Variants in RORA observed in about 807,000 individuals in gnomAD.
RORA encodes RAR related orphan receptor A.
Under a neutral mutation model 69.5 loss-of-function variants are expected in RORA, and 7 were observed. That is an observed-to-expected ratio of 0.10 (90% CI 0.06 to 0.19). The LOEUF is 0.19. RORA is among the 10% of genes least tolerant of loss of function. The pLI is 1.00. For synonymous variants in RORA, 261 were observed against 240.8 expected, an observed-to-expected ratio of 1.08 and a Z score of -0.78; for missense variants, 457 against 663.0, an observed-to-expected ratio of 0.69 and a Z score of 3.41.
At chr15:60,619,539 T>C (rs1431467605) in intron 2 of RORA, among the ~76,000 whole-genome samples, 4 of 152,238 alleles carry the variant, frequency 2.6e-5, no homozygotes, top group Admixed American at 6.5e-5. Context: ...TATCATAACA[T>C]ATAAGTCAAC....
intron 1 of RORA, among the ~76,000 whole-genome samples, chr15:61,019,153 C>A (rs1294098277): frequency 1.3e-5 from 2 of 152,244 alleles, no homozygotes; most frequent in African/African-American, 4.8e-5. Flanking sequence ...ACTGGCTTCA[C>A]AGCACCACAG....
chr15:61,064,215 T>G (rs1018981996), intron 1 of RORA, among the ~76,000 whole-genome samples: 1 of 152,200 alleles, frequency 6.6e-6, no homozygotes, highest in Admixed American at 6.5e-5. Flanking sequence ...CAATCACATT[T>G]TGAAGGGAAA....
At chr15:60,554,925 G>C (rs1236410825) in intron 2 of RORA, among the ~76,000 whole-genome samples, 2 of 151,410 alleles carry the variant, frequency 1.3e-5, no homozygotes, top group Non-Finnish European at 2.9e-5. Context: ...ATGTACCATA[G>C]GATAAAATTA....
intron 1 of RORA, among the ~76,000 whole-genome samples, chr15:61,130,588 A>G (rs1190740091): frequency 6.6e-6 from 1 of 152,192 alleles, no homozygotes; most frequent in Non-Finnish European, 1.5e-5. Context: ...TTGAGTAAGT[A>G]ATTAATATAT....
At chr15:60,968,398 G>A (rs1893617792) in intron 1 of RORA, among the ~76,000 whole-genome samples, 1 of 152,158 alleles carries the variant, frequency 6.6e-6, no homozygotes, top group Admixed American at 6.5e-5. Context: ...ATCTGGGGTG[G>A]GGCCAGAACA....
intron 3 of RORA, among the ~76,000 whole-genome samples, chr15:60,515,011 A>G (rs1471160016): frequency 1.3e-5 from 2 of 152,208 alleles, no homozygotes; most frequent in African/African-American, 4.8e-5. Flanking sequence ...TGCCCATGTA[A>G]AAAGGCACAG....
At chr15:61,067,799 C>T (rs1408917416) in intron 1 of RORA, among the ~76,000 whole-genome samples, 1 of 152,216 alleles carries the variant, frequency 6.6e-6, no homozygotes, top group Non-Finnish European at 1.5e-5. Context: ...ATGTTCATCC[C>T]ATCCATTCTC....
chr15:61,094,379 C>G (rs1033130868), intron 1 of RORA, among the ~76,000 whole-genome samples: 6 of 152,038 alleles, frequency 3.9e-5, no homozygotes, highest in Non-Finnish European at 8.8e-5. Context: ...TCAAATATGA[C>G]CGTATGATCT....
intron 1 of RORA, among the ~76,000 whole-genome samples, chr15:60,696,157 C>T (rs898916145): frequency 1.3e-5 from 2 of 152,214 alleles, no homozygotes; most frequent in Non-Finnish European, 2.9e-5. Context: ...CTTTTCCTCA[C>T]GGTGACATTC....
chr15:60,906,894 A>G (rs1891559039), intron 1 of RORA, among the ~76,000 whole-genome samples: 1 of 152,220 alleles, frequency 6.6e-6, no homozygotes, highest in African/African-American at 2.4e-5. Flanking sequence ...AGAGCTGTAC[A>G]TCTATAGTTT....
At chr15:61,167,327 T>C (rs756841387) in intron 1 of RORA, among the ~76,000 whole-genome samples, 7 of 152,190 alleles carry the variant, frequency 4.6e-5, no homozygotes, top group African/African-American at 1.7e-4. Flanking sequence ...AAAATGACAA[T>C]GTTCTTTGTC....
chr15:60,553,937 C>A (rs745325350), intron 2 of RORA, among the ~76,000 whole-genome samples: 5 of 152,166 alleles, frequency 3.3e-5, no homozygotes, highest in Admixed American at 2.0e-4. Flanking sequence ...GATCTGATGA[C>A]CTTCTTGGGG....
At position 60,960,472 on chromosome 15, in the gene RORA, G is replaced by C. The variant is rs149511035; in HGVS notation, c.166+268581C>G. On this transcript the variant is annotated intron_variant, in intron 1 of 10. Coordinates refer to ENST00000335670, the MANE Select transcript of RORA (RefSeq NM_134261.3). Reference sequence around the variant, plus strand: ...CCATCTGATTAAAAAGAAAATACCTGCTCAAAAAATAGTCTTTGGCCTACT... The same window carrying C: ...CCATCTGATTAAAAAGAAAATACCTCCTCAAAAAATAGTCTTTGGCCTACT... 2.6e-5 allele frequency among the ~76,000 whole-genome samples: 4 copies of C among 152,170 alleles called. No homozygotes were observed. In the East Asian group the frequency reaches 5.8e-4, roughly 22 times the overall value.
intron 2 of RORA, among the ~76,000 whole-genome samples, chr15:60,573,492 C>T (rs2067941227): frequency 1.3e-5 from 2 of 152,268 alleles, no homozygotes; most frequent in African/African-American, 4.8e-5. Context: ...GATTGTTTCT[C>T]GTGTTTCTTC....
intron 1 of RORA, chr15:60,848,941 A>T (rs1388897804): frequency 6.6e-6 from 1 of 152,182 alleles, no homozygotes; most frequent in African/African-American, 2.4e-5. Flanking sequence ...CCAATTTTAG[A>T]CTTGTGACCT....
chr15:60,963,305 GC>G (rs1893464654), intron 1 of RORA, among the ~76,000 whole-genome samples: 1 of 152,220 alleles, frequency 6.6e-6, no homozygotes, highest in East Asian at 1.9e-4. Flanking sequence ...GTGCAGGGGA[GC>G]CCCTGTTGCA....
intron 1 of RORA, among the ~76,000 whole-genome samples, chr15:60,837,338 T>C (rs1371458977): frequency 6.6e-6 from 1 of 152,220 alleles, no homozygotes; most frequent in African/African-American, 2.4e-5. Flanking sequence ...GCCTATTTGA[T>C]TGAGGTGATT....
At chr15:60,665,791 C>T (rs1240619646) in intron 2 of RORA, among the ~76,000 whole-genome samples, 1 of 152,168 alleles carries the variant, frequency 6.6e-6, no homozygotes, top group Admixed American at 6.5e-5. Flanking sequence ...TCTCGTGCCT[C>T]AGCCTCCCTA....
chr15:60,592,399 C>A, intron 2 of RORA: 1 of 1,438,354 alleles, frequency 7.0e-7, no homozygotes. Context: ...TTCATCGCTG[C>A]GATCACAAAA....
Sources: gnomAD v4.1 joint callset for allele counts (sites outside exome capture counted in the v4.1 genomes callset) on GRCh38, gnomAD v4.1.1 for gene constraint, MANE v1.5 for transcripts, NCBI Gene and HGNC (gene_info 2026-07-23, HGNC 2026-07-21) for gene names.